RAD54L2: variants seen among roughly 807,000 people sequenced by gnomAD.
RAD54L2 encodes the protein RAD54 like 2.
Under a neutral mutation model 138.4 loss-of-function variants are expected in RAD54L2, and 27 were observed. The observed-to-expected ratio is 0.20, with a 90% CI of 0.14 to 0.27. The LOEUF (loss-of-function observed/expected upper bound fraction) is 0.27. Ranked by LOEUF, RAD54L2 falls within the 10% of genes least tolerant of loss-of-function variation. The pLI is 1.00. For synonymous variants in RAD54L2, 644 were observed against 723.2 expected (o/e 0.89, Z 1.76); for missense variants, 1,396 against 1,890.2 (o/e 0.74, Z 4.85).
rs1701908128 is a variant in RAD54L2, at chr3:51,666,194, T to TTTTTTTG, written c.*2780_*2781insGTTTTTT. The TTTTTTTG allele has an allele frequency of 7.3e-6, 1 of 136,546 alleles. No homozygotes were observed. The highest frequency in any genetic ancestry group is 1.6e-5 in the Non-Finnish European group (1 of 61,658). 8.5% of individuals were successfully genotyped at this position (136,546 alleles called of 1,614,324 possible). A position where few individuals can be genotyped will look rare whatever the true frequency, so the allele number is the denominator to read the frequency against. On this transcript the variant is annotated 3_prime_UTR_variant, in exon 23 of 23. Transcript: ENST00000684192. ...TTTTGCTTTTTTTTTTTTTTTTTTT[T>TTTTTTTG]TTTTTTTTTTTTTTTAAAGAAAATA...
In RAD54L2 at chr3:51,627,764, G is replaced by T. The variant is rs1410200704; in HGVS notation, c.341+10G>T. 1.9e-6 allele frequency: 3 copies of T among 1,613,436 alleles called. No individual in the cohort carries two copies. In the African/African-American group the frequency reaches 4.0e-5, roughly 22 times the overall value. On this transcript the variant is annotated intron_variant, in intron 4 of 22. Coordinates refer to ENST00000684192, the MANE Select transcript of RAD54L2 (RefSeq NM_015106.4). ...TGAGAAGAAACATACGGTGAGCTGTGCTCTGTGTAAGAGGAGAGGGAAAGG... is the reference window on the plus strand; with the variant it reads ...TGAGAAGAAACATACGGTGAGCTGTTCTCTGTGTAAGAGGAGAGGGAAAGG...
At chr3:51,572,779 C>T (rs1447549379) in intron 2 of RAD54L2, among the ~76,000 whole-genome samples, 1 of 151,048 alleles carries the variant, frequency 6.6e-6, no homozygotes, top group Non-Finnish European at 1.5e-5. Context: ...GTTGGGATTA[C>T]AGGCGCCTGC....
chr3:51,586,724 A>G (rs1176299214), intron 2 of RAD54L2, among the ~76,000 whole-genome samples: 1 of 151,820 alleles, frequency 6.6e-6, no homozygotes, highest in Non-Finnish European at 1.5e-5. Flanking sequence ...ATGCGCTACT[A>G]TGCCTGGCTA....
At chr3:51,570,304 T>C (rs1450042407) in intron 2 of RAD54L2, among the ~76,000 whole-genome samples, 4 of 136,394 alleles carry the variant, frequency 2.9e-5, no homozygotes, top group East Asian at 2.3e-4. Context: ...CCACCACGCC[T>C]GGCTAACTTT....
chr3:51,548,712 A>G lies in RAD54L2; in HGVS notation c.-55+7062A>G, dbSNP rs1328360077. On this transcript the variant is annotated intron_variant, in intron 2 of 22. Transcript: ENST00000684192. ...ATTGTTAGGGCTTCAGTTTGGGATG[A>G]CAGTCACCCCTTATTTCAGGCTGCT... is the stretch of plus-strand genomic sequence containing the variant. 3.9e-5 allele frequency among the ~76,000 whole-genome samples: 6 copies of G among 152,196 alleles called. No individual in the cohort carries two copies. In the East Asian group the frequency reaches 1.2e-3, roughly 29 times the overall value.
In RAD54L2 at chr3:51,645,722, C is replaced by T; in HGVS notation, c.2788C>T (p.Leu930=). ...LNVKGIKESV[L]QLACLKYPHL... is the part of the protein sequence containing the mutation. ...CGTAAAGGGGATCAAGGAGTCAGTC[C>T]TGCAACTGGCCTGTCTGAAGTACCC... The change falls in exon 18 of 23, where the codon CTG becomes TTG. Residue 930 remains leucine, a synonymous_variant. Transcript: ENST00000684192. This position sits in a 1 kb window ranked among gnomAD's most constrained non-coding sequence, Gnocchi z 6.1. The T allele has an allele frequency of 6.2e-7, 1 of 1,612,936 alleles. No individual in the cohort carries two copies. Among genetic ancestry groups the T allele is most frequent in the Non-Finnish European group, 8.5e-7 (1 of 1,179,506 alleles).
chr3:51,610,892 G>A (rs1700312793), intron 3 of RAD54L2, among the ~76,000 whole-genome samples: 1 of 152,130 alleles, frequency 6.6e-6, no homozygotes, highest in Non-Finnish European at 1.5e-5. Flanking sequence ...TGCAGCATCT[G>A]GAACCATTTT....
chr3:51,598,635 A>C (rs555929945), intron 3 of RAD54L2, among the ~76,000 whole-genome samples: 3 of 152,224 alleles, frequency 2.0e-5, no homozygotes, highest in African/African-American at 7.2e-5. Context: ...GCACGCCTGT[A>C]ATCCCAGCTA....
intron 3 of RAD54L2, among the ~76,000 whole-genome samples, chr3:51,612,839 G>GT (rs1487149255): frequency 2.6e-5 from 4 of 152,240 alleles, no homozygotes; most frequent in Admixed American, 6.5e-5. Flanking sequence ...TTTCATCAGT[G>GT]TCTTCAGTTT....
At chr3:51,648,947 A>G (rs1701357224) in intron 19 of RAD54L2, among the ~76,000 whole-genome samples, 1 of 152,190 alleles carries the variant, frequency 6.6e-6, no homozygotes, top group Non-Finnish European at 1.5e-5. Flanking sequence ...TGGACGGAGA[A>G]TGACTTTGAC....
At chr3:51,549,920 A>G (rs1222346177) in intron 2 of RAD54L2, among the ~76,000 whole-genome samples, 2 of 151,900 alleles carry the variant, frequency 1.3e-5, no homozygotes, top group African/African-American at 4.8e-5. Context: ...TACCTCCCCT[A>G]CTAGCTTGGC....
At chr3:51,613,957 T>C (rs1700389485) in intron 3 of RAD54L2, among the ~76,000 whole-genome samples, 2 of 152,132 alleles carry the variant, frequency 1.3e-5, no homozygotes, top group African/African-American at 4.8e-5. Context: ...ATCGAGTGGA[T>C]AGAGGTCAGG....
rs568630383 is a variant in RAD54L2 at position 51,638,030 on chromosome 3, G to A, written c.1683-114G>A. 22 of 980,028 alleles carry A rather than the reference G, an allele frequency of 2.2e-5. No individual in the cohort carries two copies. Among genetic ancestry groups the A allele is most frequent in the Non-Finnish European group, 3.2e-5 (21 of 655,744 alleles). The allele number at this position is 980,028 out of a possible 1,614,324, so 60.7% of individuals were successfully genotyped here. A position where few individuals can be genotyped will look rare whatever the true frequency, so the allele number is the denominator to read the frequency against. ...GCATTATTGCAAGGCTGCAGTGCAT[G>A]TTGAGATCCTCAAGAGGGAGGTGTG... On this transcript the variant is annotated intron_variant, in intron 11 of 22. Transcript: ENST00000684192. This position sits in a 1 kb window ranked among gnomAD's most constrained non-coding sequence, Gnocchi z 4.3.
chr3:51,566,569 T>C (rs1381303687), intron 2 of RAD54L2, among the ~76,000 whole-genome samples: 1 of 136,734 alleles, frequency 7.3e-6, no homozygotes, highest in East Asian at 2.5e-4. Flanking sequence ...AGCCTCGAAC[T>C]CCCAGGCTGA....
chr3:51,556,930 A>T (rs1468227711), intron 2 of RAD54L2, among the ~76,000 whole-genome samples: 1 of 151,982 alleles, frequency 6.6e-6, no homozygotes. Flanking sequence ...CCTCCTGAGC[A>T]ATATCTCTGA....
At chr3:51,626,434 A>AGCTTTTTTTTTT (rs1700685465) in intron 3 of RAD54L2, among the ~76,000 whole-genome samples, 1 of 12,292 alleles carries the variant, frequency 8.1e-5, no homozygotes, top group Non-Finnish European at 1.6e-4. Flanking sequence ...ACCCCCAACG[A>AGCTTTTTTTTTT]TCTTTTTTTT....
In RAD54L2 at chr3:51,578,889, G is replaced by A. The variant is rs193013314; in HGVS notation, c.-54-11478G>A. On this transcript the variant is annotated intron_variant, in intron 2 of 22. Coordinates refer to ENST00000684192, the MANE Select transcript of RAD54L2 (RefSeq NM_015106.4). The stretch of plus-strand genomic sequence containing the variant: ...CCTCATGGCACCTGAGTTCTTGTTC[G>A]GTATCCAGGAAGAATGAGGTCACAC... 2.0e-4 allele frequency among the ~76,000 whole-genome samples: 30 copies of A among 152,260 alleles called. No individual in the cohort carries two copies. In the East Asian group the frequency reaches 2.7e-3, roughly 14 times the overall value.
At chr3:51,580,378 G>A (rs1454281209) in intron 2 of RAD54L2, among the ~76,000 whole-genome samples, 1 of 152,136 alleles carries the variant, frequency 6.6e-6, no homozygotes, top group African/African-American at 2.4e-5. Context: ...ACTTTGATGT[G>A]TTCTCCAACC....
At chr3:51,577,664 C>T (rs1024734514) in intron 2 of RAD54L2, among the ~76,000 whole-genome samples, 10 of 152,156 alleles carry the variant, frequency 6.6e-5, no homozygotes, top group Non-Finnish European at 1.3e-4. Flanking sequence ...ACTAGGATTG[C>T]AACCCCTGCT....
Sources: gnomAD v4.1 joint callset for allele counts (sites outside exome capture counted in the v4.1 genomes callset) on GRCh38, gnomAD v4.1.1 for gene constraint, Gnocchi (gnomAD v3.1) non-coding constraint, MANE v1.5 for transcripts, NCBI Gene and HGNC (gene_info 2026-07-23, HGNC 2026-07-21) for gene names.